ZNF69: variants seen among roughly 807,000 people sequenced by gnomAD.
ZNF69 encodes zinc finger protein 69, also known as ZNF3.
In ZNF69, 47 loss-of-function variants were observed where a neutral mutation model predicts 50.9. That is an observed-to-expected ratio of 0.92 (90% CI 0.73 to 1.18). The LOEUF is 1.18. Ranked by LOEUF, ZNF69 falls within the 50% of genes most tolerant of loss-of-function variation. The pLI, the probability that ZNF69 is intolerant of heterozygous loss-of-function variation, is 0.00. For synonymous variants in ZNF69, 216 were observed against 223.1 expected (o/e 0.97, Z 0.29); for missense variants, 717 against 675.1 (o/e 1.06, Z -0.69).
In ZNF69 at chr19:11,905,099, A is replaced by G. The variant is rs767005342; in HGVS notation, c.702A>G (p.Leu234=). The change falls in exon 4 of 4, where the codon TTA becomes TTG. Residue 234 remains leucine, a synonymous_variant. Transcript: ENST00000429654. ...GGAAAGCCTTCCATTGTCTCAGTTT[A>G]TATCTTATCCATGAAAGAATTCACA... The part of the protein sequence containing the change: ...FCGKAFHCLS[L]YLIHERIHTG... The G allele has an allele frequency of 3.3e-5, 53 of 1,614,162 alleles. No homozygotes were observed. In the East Asian group the frequency reaches 1.0e-3, roughly 31 times the overall value.
At chr19:11,949,083 A>C in the ZNF69 span, 1 of 1,610,828 alleles carries the variant, frequency 6.2e-7, no homozygotes, top group Non-Finnish European at 8.5e-7. Context: ...AAACACACAT[A>C]AGAATGAACT....
chr19:11,903,843 T>G (rs1357381934), intron 2 of ZNF69, 62 bp from the exon 3 acceptor site: 8 of 1,606,164 alleles, frequency 5.0e-6, no homozygotes, highest in Non-Finnish European at 6.8e-6. Flanking sequence ...GGGCATAGAA[T>G]CTAATAATTT....
chr19:11,975,542 C>G, the ZNF69 span, among the ~76,000 whole-genome samples: 2 of 152,094 alleles, frequency 1.3e-5, no homozygotes, highest in African/African-American at 4.8e-5. Flanking sequence ...AGACTACAGG[C>G]GCCCGCCACC....
At chr19:11,892,046 T>C (rs1256143255) in intron 1 of ZNF69, among the ~76,000 whole-genome samples, 1 of 152,060 alleles carries the variant, frequency 6.6e-6, no homozygotes, top group Non-Finnish European at 1.5e-5. Flanking sequence ...GGTGCGATCA[T>C]GGCTTACTGC....
chr19:11,965,947 A>C, the ZNF69 span, among the ~76,000 whole-genome samples: 1 of 152,112 alleles, frequency 6.6e-6, no homozygotes, highest in Non-Finnish European at 1.5e-5. Flanking sequence ...CAGGTGGTTG[A>C]GGGATTCTGT....
the ZNF69 span, among the ~76,000 whole-genome samples, chr19:11,939,440 A>T: frequency 6.6e-6 from 1 of 152,222 alleles, no homozygotes; most frequent in Admixed American, 6.5e-5. Context: ...AGCTTTCTAC[A>T]TATGGCTAGC....
chr19:11,904,726 A>G lies in ZNF69; in HGVS notation c.329A>G (p.Asp110Gly). Reference sequence around the variant, plus strand: ...GAAACTTTTACCCAGGTTCCAGATGACAGGCTGAACTTCCAGGAGAAGAAA... The same window carrying G: ...GAAACTTTTACCCAGGTTCCAGATGGCAGGCTGAACTTCCAGGAGAAGAAA... ...CGETFTQVPD[D>G]RLNFQEKKAS... The change falls in exon 4 of 4, where the codon GAC becomes GGC. Residue 110 changes from aspartate (D) to glycine (G), a missense_variant. Physicochemically the swap from Asp to Gly is moderately conservative, Grantham distance 94 (BLOSUM62 -1). Coordinates refer to ENST00000429654, the MANE Select transcript of ZNF69 (RefSeq NM_001364730.1). 6.2e-7 allele frequency: 1 copy of G among 1,614,020 alleles called. No homozygotes were observed. Among genetic ancestry groups the G allele is most frequent in the Non-Finnish European group, 8.5e-7 (1 of 1,179,864 alleles).
chr19:11,893,865 T>C (rs1383758083), intron 1 of ZNF69, among the ~76,000 whole-genome samples: 1 of 152,136 alleles, frequency 6.6e-6, no homozygotes, highest in Non-Finnish European at 1.5e-5. Flanking sequence ...TGGAGACACA[T>C]AGACAGTCAG....
At chr19:11,913,539 C>T in exon 5 of ZNF69, 1 of 397,596 alleles carries the variant, frequency 2.5e-6, no homozygotes, top group Non-Finnish European at 4.6e-6. Flanking sequence ...CAGGCATGCA[C>T]CACCACGCCA....
At chr19:11,934,983 C>T in the ZNF69 span, among the ~76,000 whole-genome samples, 1 of 146,550 alleles carries the variant, frequency 6.8e-6, no homozygotes, top group African/African-American at 2.7e-5. Context: ...CAAGACCATC[C>T]TGGCTAACAC....
chr19:11,921,917 A>C, the ZNF69 span, among the ~76,000 whole-genome samples: 1 of 152,202 alleles, frequency 6.6e-6, no homozygotes, highest in Non-Finnish European at 1.5e-5. Flanking sequence ...TAAAAATAAT[A>C]AGTACTGAAT....
At chr19:11,971,170 G>C in the ZNF69 span, among the ~76,000 whole-genome samples, 1 of 152,158 alleles carries the variant, frequency 6.6e-6, no homozygotes, top group African/African-American at 2.4e-5. Flanking sequence ...AGTTCTTGAG[G>C]TTGTGAAGTC....
At chr19:11,965,230 T>TTG in the ZNF69 span, 1 of 1,613,934 alleles carries the variant, frequency 6.2e-7, no homozygotes, top group Admixed American at 1.7e-5. Context: ...GCATAGCCGG[T>TTG]TGTCCCGAGA....
chr19:11,945,058 C>T, the ZNF69 span, among the ~76,000 whole-genome samples: 1 of 152,242 alleles, frequency 6.6e-6, no homozygotes, highest in Non-Finnish European at 1.5e-5. Context: ...TTGGCCAGGG[C>T]CCCACAGTCT....
the ZNF69 span, chr19:11,949,423 A>G: frequency 1.9e-6 from 3 of 1,613,496 alleles, no homozygotes; most frequent in Middle Eastern, 1.7e-4. Context: ...GCATGGTAGG[A>G]CTCATACTGG....
In ZNF69 at chr19:11,899,845, A is replaced by G. The variant is rs376492244; in HGVS notation, c.64-3728A>G. 4.6e-5 allele frequency among the ~76,000 whole-genome samples: 7 copies of G among 152,292 alleles called. No homozygotes were observed. In the East Asian group the frequency reaches 1.2e-3, roughly 25 times the overall value. ...TTCCAAATTGGCTGTAGAATTTTCC[A>G]TTCACATCCCTAGTGAAGGAGAGTT... On this transcript the variant is annotated intron_variant, in intron 1 of 3. Coordinates refer to ENST00000429654, the MANE Select transcript of ZNF69 (RefSeq NM_001364730.1).
downstream of ZNF69, among the ~76,000 whole-genome samples, chr19:11,916,018 C>T (rs1972518800): frequency 2.0e-5 from 3 of 152,124 alleles, no homozygotes; most frequent in African/African-American, 4.8e-5. Flanking sequence ...ACTGAGAGAA[C>T]CTCAGAGCCC....
intron 1 of ZNF69, among the ~76,000 whole-genome samples, chr19:11,896,736 C>T (rs780280019): frequency 1.3e-5 from 2 of 151,818 alleles, no homozygotes; most frequent in South Asian, 2.1e-4. Context: ...ATATTCATGC[C>T]GTAACACCCC....
At chr19:11,980,028 G>T in the ZNF69 span, 5 of 1,118,986 alleles carry the variant, frequency 4.5e-6, no homozygotes, top group Non-Finnish European at 5.3e-6. Context: ...ACTTCTTTTC[G>T]ATAACATGAA....
Sources: gnomAD v4.1 joint callset for allele counts (sites outside exome capture counted in the v4.1 genomes callset) on GRCh38, gnomAD v4.1.1 for gene constraint, MANE v1.5 for transcripts, NCBI Gene and HGNC (gene_info 2026-07-23, HGNC 2026-07-21) for gene names.